CNTN4: variants seen among roughly 807,000 people sequenced by gnomAD.
CNTN4 encodes contactin 4.
In CNTN4, 77 loss-of-function variants were observed where a neutral mutation model predicts 122.5. The ratio of observed to expected loss-of-function variants is 0.63; its 90% CI spans 0.52 to 0.76. CNTN4 has a LOEUF of 0.76. CNTN4 is among the 30% of genes least tolerant of loss of function. CNTN4 has a pLI of 0.00. For missense variants in CNTN4, 1,256 were observed against 1,259.1 expected (o/e 1.00, Z 0.04); for synonymous variants, 512 against 447.0 (o/e 1.15, Z -1.83).
intron 2 of CNTN4, among the ~76,000 whole-genome samples, chr3:2,116,478 C>G (rs888044180): frequency 6.6e-6 from 1 of 152,084 alleles, no homozygotes; most frequent in East Asian, 1.9e-4. Context: ...TAGGTAATAC[C>G]GAATCAGAGT....
intron 3 of CNTN4, among the ~76,000 whole-genome samples, chr3:2,368,022 A>C (rs1027765668): frequency 4.1e-5 from 6 of 145,140 alleles, no homozygotes; most frequent in Non-Finnish European, 1.5e-5. Context: ...ATACAGCTAG[A>C]AAACTTCTTT....
intron 2 of CNTN4, among the ~76,000 whole-genome samples, chr3:2,105,141 T>TA (rs2032328088): frequency 6.6e-6 from 1 of 152,208 alleles, no homozygotes; most frequent in African/African-American, 2.4e-5. Flanking sequence ...TTTGAACTAA[T>TA]TCCTGTAGAT....
At chr3:2,482,797 G>A (rs957935108) in intron 3 of CNTN4, among the ~76,000 whole-genome samples, 1 of 152,192 alleles carries the variant, frequency 6.6e-6, no homozygotes. Flanking sequence ...GTCAAGAATT[G>A]AGGTTTGAGA....
At position 2,264,056 on chromosome 3, in the gene CNTN4, A is replaced by T. The variant is rs563115847; in HGVS notation, c.-144-75122A>T. Among the ~76,000 whole-genome samples the T allele has an allele frequency of 7.2e-5, 11 of 152,290 alleles. No individual in the cohort carries two copies. In the East Asian group the frequency reaches 2.1e-3, roughly 29 times the overall value. On this transcript the variant is annotated intron_variant, in intron 2 of 24. Transcript: ENST00000418658. ...GTAATTCCATATCTTGGCTATTATG[A>T]ATAGTGCTGCAGTAAGCACGGCAGT...
intron 4 of CNTN4, among the ~76,000 whole-genome samples, chr3:2,594,145 A>C (rs2080642127): frequency 2.0e-5 from 3 of 152,174 alleles, no homozygotes; most frequent in African/African-American, 4.8e-5. Context: ...CACTTTGCTT[A>C]CATAGTTGTT....
rs1249950259 is a variant in CNTN4 at position 2,571,508 on chromosome 3, G to C, written c.5G>C (p.Arg2Thr). The C allele has an allele frequency of 6.2e-7, 1 of 1,613,076 alleles. No homozygotes were observed. Among genetic ancestry groups the C allele is most frequent in the Non-Finnish European group, 8.5e-7 (1 of 1,179,120 alleles). The stretch of plus-strand genomic sequence containing the variant: ...CTTTGACCTCGGAAACTGAAGATGA[G>C]GTTGCCATGGGAACTGCTGGTACTG... M[R>T]LPWELLVLQS... The change falls in exon 4 of 25, where the codon AGG (arginine) becomes ACG (threonine). Residue 2 changes from arginine (R) to threonine (T), a missense_variant. Physicochemically the swap from Arg to Thr is moderately conservative, Grantham distance 71. Coordinates refer to ENST00000418658, the MANE Select transcript of CNTN4 (RefSeq NM_175607.3).
intron 3 of CNTN4, among the ~76,000 whole-genome samples, chr3:2,400,747 C>T (rs1310211071): frequency 6.6e-6 from 1 of 151,134 alleles, no homozygotes; most frequent in Non-Finnish European, 1.5e-5. Flanking sequence ...TTTGTGGTGG[C>T]TTTTATTTCA....
At chr3:2,653,507 A>G (rs1212918656) in intron 4 of CNTN4, among the ~76,000 whole-genome samples, 1 of 152,232 alleles carries the variant, frequency 6.6e-6, no homozygotes, top group Non-Finnish European at 1.5e-5. Context: ...TCACAAGGGT[A>G]GTAATTGACT....
chr3:2,601,567 C>G (rs138914623), intron 4 of CNTN4, among the ~76,000 whole-genome samples: 97 of 152,156 alleles, frequency 6.4e-4, no homozygotes, highest in East Asian at 5.0e-3. Context: ...TGGTCTATAT[C>G]TCTGTTTTGG....
At chr3:2,106,092 G>C (rs966241240) in intron 2 of CNTN4, among the ~76,000 whole-genome samples, 22 of 152,226 alleles carry the variant, frequency 1.4e-4, no homozygotes, top group African/African-American at 5.3e-4. Context: ...TGATGCAGGA[G>C]GTGGGCTCCC....
intron 2 of CNTN4, among the ~76,000 whole-genome samples, chr3:2,187,612 C>T (rs975219601): frequency 3.3e-5 from 5 of 152,158 alleles, no homozygotes; most frequent in Non-Finnish European, 7.3e-5. Flanking sequence ...TCACATTCTG[C>T]CGGGTTCCGT....
intron 3 of CNTN4, among the ~76,000 whole-genome samples, chr3:2,482,534 C>A (rs992380629): frequency 6.6e-6 from 1 of 152,132 alleles, no homozygotes; most frequent in Non-Finnish European, 1.5e-5. Context: ...GGAAACTGTC[C>A]CCAGGGTATG....
chr3:2,735,303 A>G (rs1253047191), intron 4 of CNTN4, among the ~76,000 whole-genome samples: 1 of 152,250 alleles, frequency 6.6e-6, no homozygotes. Context: ...GGCGAGATGC[A>G]TTTTGAACAA....
intron 7 of CNTN4, among the ~76,000 whole-genome samples, chr3:2,851,409 T>C (rs947260927): frequency 6.6e-6 from 1 of 152,206 alleles, no homozygotes; most frequent in African/African-American, 2.4e-5. Context: ...GTGTCTCCAG[T>C]ACTCTGTCTT....
At chr3:2,179,996 A>C (rs1486165694) in intron 2 of CNTN4, among the ~76,000 whole-genome samples, 2 of 151,430 alleles carry the variant, frequency 1.3e-5, no homozygotes, top group Admixed American at 6.6e-5. Flanking sequence ...CTTATAGCAC[A>C]TCTCAATTCA....
At chr3:2,736,076 A>G in intron 4 of CNTN4, 139 bp from the exon 5 acceptor site, 2 of 883,498 alleles carry the variant, frequency 2.3e-6, no homozygotes, top group South Asian at 1.3e-5. Flanking sequence ...ATTTTCTTCT[A>G]GAAGCTGAAA....
rs1057276635 is a variant in CNTN4, at chr3:3,019,138, G to A, written c.1487-6964G>A. ...GTCAGCTGATATATGTAGAAGGAAA[G>A]ATAGCAATGGAGAATCACCGTTTGA... On this transcript the variant is annotated intron_variant, in intron 14 of 24. Transcript: ENST00000418658. Among the ~76,000 whole-genome samples the A allele has an allele frequency of 5.3e-5, 8 of 152,082 alleles. No homozygotes were observed. In the South Asian group the frequency reaches 1.7e-3, roughly 32 times the overall value.
In CNTN4 at chr3:2,673,591, A is replaced by G. The variant is rs369464132; in HGVS notation, c.56-62624A>G. Among the ~76,000 whole-genome samples the G allele has an allele frequency of 4.6e-5, 7 of 152,066 alleles. No individual in the cohort carries two copies. The East Asian group carries it at 1.2e-3, about 25-fold the overall frequency. On this transcript the variant is annotated intron_variant, in intron 4 of 24. Transcript: ENST00000418658. ...TGTCTCATTCTGTCGCCCAGGCTGG[A>G]GTGCAGTGGCGTGATCTCGGCTCAC...
Position 2,699,010 on chromosome 3 carries a change from C to T in CNTN4, c.56-37205C>T, listed in dbSNP as rs149733076. Among the ~76,000 whole-genome samples the T allele has an allele frequency of 3.5e-3, 465 of 133,134 alleles. 1 individual carries two copies. The highest frequency in any genetic ancestry group is 0.012 in the African/African-American group (434 of 35,766). The allele number at this position is 133,134 out of a possible 152,430, so 87.3% of individuals were successfully genotyped here. On this transcript the variant is annotated intron_variant, in intron 4 of 24. Transcript: ENST00000418658. ...TGCACTCCAGTGTGGGCGACAAGAG[C>T]GAGACTCTGTCTTAAAAAAAAAAAA...
Sources: gnomAD v4.1 joint callset for allele counts (sites outside exome capture counted in the v4.1 genomes callset) on GRCh38, gnomAD v4.1.1 for gene constraint, MANE v1.5 for transcripts, NCBI Gene and HGNC (gene_info 2026-07-23, HGNC 2026-07-21) for gene names.